PCDHGB1: variants seen among roughly 807,000 people sequenced by gnomAD.
PCDHGB1 encodes protocadherin gamma subfamily B, 1, also known as protocadherin gamma-B1.
Under a neutral mutation model 56.6 loss-of-function variants are expected in PCDHGB1, and 34 were observed. The ratio of observed to expected loss-of-function variants is 0.60; its 90% confidence interval spans 0.46 to 0.80. The LOEUF is 0.80. Ranked by LOEUF, PCDHGB1 falls within the 30% of genes least tolerant of loss-of-function variation. PCDHGB1 has a pLI of 0.00. For missense variants in PCDHGB1, 1,278 were observed against 1,204.6 expected (o/e 1.06, Z -0.90); for synonymous variants, 561 against 505.9 (o/e 1.11, Z -1.46).
chr5:141,384,981 G>T (rs1780732379), intron 1 of PCDHGB1: 1 of 1,614,142 alleles, frequency 6.2e-7, no homozygotes, highest in Non-Finnish European at 8.5e-7. Context: ...TGTACCTGGT[G>T]GTGGCGGTGG....
rs1224625072 is a variant in PCDHGB1, at chr5:141,490,972, C to T, written c.2410-3835C>T. ...AGACTGGGAACACTCAGCCCCCCAG[C>T]GTCTCCCTCGCTCTGCTCCTCCTGG... On this transcript the variant is annotated intron_variant, in intron 1 of 3. Transcript: ENST00000523390. This position sits in a 1 kb window ranked among gnomAD's most constrained non-coding sequence, Gnocchi z 5.4. The T allele has an allele frequency of 1.2e-5, 20 of 1,613,912 alleles. No individual in the cohort carries two copies. Among genetic ancestry groups the T allele is most frequent in the East Asian group, 4.5e-5 (2 of 44,882 alleles).
At chr5:141,395,407 G>T (rs1467176036) in intron 1 of PCDHGB1, 3 of 826,654 alleles carry the variant, frequency 3.6e-6, no homozygotes, top group Non-Finnish European at 5.4e-6. Context: ...ATAGTCATAG[G>T]TTATTGTTTC....
intron 1 of PCDHGB1, chr5:141,430,691 G>A (rs1479214920): frequency 7.1e-7 from 1 of 1,416,592 alleles, no homozygotes; most frequent in Non-Finnish European, 9.4e-7. Context: ...CCATTCTATG[G>A]GCGAAGGAAC....
chr5:141,363,504 C>T (rs750214934), intron 1 of PCDHGB1, among the ~76,000 whole-genome samples: 3 of 152,206 alleles, frequency 2.0e-5, no homozygotes, highest in Non-Finnish European at 4.4e-5. Context: ...AAAACCCCAT[C>T]CTCCACAGTT....
intron 1 of PCDHGB1, chr5:141,382,944 G>A (rs375823415): frequency 6.3e-7 from 1 of 1,596,888 alleles, no homozygotes; most frequent in Non-Finnish European, 8.6e-7. Flanking sequence ...GATTCTTCCT[G>A]CTCTCCATCC....
In PCDHGB1 at chr5:141,351,691, G is replaced by A; in HGVS notation, c.1431G>A (p.Leu477=). 6.2e-7 allele frequency: 1 copy of A among 1,613,980 alleles called. No homozygotes were observed. The highest frequency in any genetic ancestry group is 1.3e-5 in the African/African-American group (1 of 75,072). The change falls in exon 1 of 4, where the codon TTG becomes TTA. Residue 477 remains leucine, a synonymous_variant. Coordinates refer to ENST00000523390, the MANE Select transcript of PCDHGB1 (RefSeq NM_018922.3). Reference sequence around the variant, plus strand: ...AAGTAAGCGCCTCCGACCCGGATTTGGGACCCAACGGCAGAGTCTCCTACT... The same window carrying A: ...AAGTAAGCGCCTCCGACCCGGATTTAGGACCCAACGGCAGAGTCTCCTACT... ...IAQVSASDPD[L]GPNGRVSYSI... is the part of the protein sequence containing the mutation.
At chr5:141,430,950 T>C (rs756423770) in intron 1 of PCDHGB1, 5 of 1,609,980 alleles carry the variant, frequency 3.1e-6, no homozygotes, top group East Asian at 2.2e-5. Flanking sequence ...GAGCGCGGAG[T>C]CCGCATCATC....
Position 141,395,397 on chromosome 5 carries a change from A to G in PCDHGB1, c.2409+42728A>G. ...GGTGTTACTATAAAATTGAACTCTAATAGTCATAGGTTATTGTTTCATTTG... is the reference window on the plus strand; with the variant it reads ...GGTGTTACTATAAAATTGAACTCTAGTAGTCATAGGTTATTGTTTCATTTG... On this transcript the variant is annotated intron_variant, in intron 1 of 3. Coordinates refer to ENST00000523390, the MANE Select transcript of PCDHGB1 (RefSeq NM_018922.3). The G allele has an allele frequency of 7.8e-6, 7 of 895,314 alleles. No individual in the cohort carries two copies. The South Asian group carries it at 9.5e-5, about 12-fold the overall frequency. 55.5% of individuals were successfully genotyped at this position (895,314 alleles called of 1,614,324 possible). A position where few individuals can be genotyped will look rare whatever the true frequency, so the allele number is the denominator to read the frequency against.
chr5:141,496,980 G>T (rs186715298), intron 2 of PCDHGB1, among the ~76,000 whole-genome samples: 1 of 151,974 alleles, frequency 6.6e-6, no homozygotes, highest in Admixed American at 6.6e-5. Flanking sequence ...GAGGTCAGGG[G>T]TTTGAGACCA....
At chr5:141,441,718 C>A in intron 1 of PCDHGB1, 1 of 344,940 alleles carries the variant, frequency 2.9e-6, no homozygotes, top group Non-Finnish European at 5.7e-6. Flanking sequence ...ACGCTGCAGG[C>A]CCGCGACCAG....
chr5:141,460,822 C>A (rs2098998601), intron 1 of PCDHGB1, among the ~76,000 whole-genome samples: 2 of 151,502 alleles, frequency 1.3e-5, no homozygotes, highest in South Asian at 4.1e-4. Context: ...TACATATATA[C>A]ACACTTAAAG....
intron 1 of PCDHGB1, chr5:141,393,946 A>G (rs1417125080): frequency 4.3e-6 from 7 of 1,613,892 alleles, no homozygotes; most frequent in Non-Finnish European, 4.2e-6. Context: ...GACTCTGGAA[A>G]GAATGGTCAA....
chr5:141,414,990 C>A (rs1442265707), intron 1 of PCDHGB1: 5 of 1,613,794 alleles, frequency 3.1e-6, no homozygotes, highest in Admixed American at 1.7e-5. Context: ...CCGGCCAGAA[C>A]GCCTGGCTGT....
At chr5:141,372,333 C>A (rs376897075) in intron 1 of PCDHGB1, 5 of 1,613,732 alleles carry the variant, frequency 3.1e-6, no homozygotes, top group Non-Finnish European at 4.2e-6. Context: ...GGTCACTGTG[C>A]GTGATGGAGG....
chr5:141,477,565 C>T lies in PCDHGB1; in HGVS notation c.2410-17242C>T, dbSNP rs1168703868. 3.1e-6 allele frequency: 5 copies of T among 1,614,146 alleles called. No homozygotes were observed. The highest frequency in any genetic ancestry group is 4.2e-6 in the Non-Finnish European group (5 of 1,180,030). On this transcript the variant is annotated intron_variant, in intron 1 of 3. Transcript: ENST00000523390. The surrounding 1 kb of genome is among the most constrained non-coding windows in gnomAD (Gnocchi z 4.9). ...CAATACTAAACCTAAGTGTCTGGGA[C>T]CCCGACGCCCCGCAGAATGCTCGGC... is the stretch of plus-strand genomic sequence containing the variant.
At chr5:141,384,956 A>G (rs1305792842) in intron 1 of PCDHGB1, 1 of 1,613,934 alleles carries the variant, frequency 6.2e-7, no homozygotes, top group African/African-American at 1.3e-5. Flanking sequence ...GGTCCTTACA[A>G]CTATGACCTC....
At chr5:141,360,231 G>T in intron 1 of PCDHGB1, 2 of 1,613,880 alleles carry the variant, frequency 1.2e-6, no homozygotes, top group Non-Finnish European at 1.7e-6. Flanking sequence ...TCCCAGTCCA[G>T]ATCCGCTATT....
At position 141,485,100 on chromosome 5, in the gene PCDHGB1, C is replaced by G. The variant is rs900224386; in HGVS notation, c.2410-9707C>G. 1.0e-5 allele frequency: 12 copies of G among 1,148,882 alleles called. No homozygotes were observed. Among genetic ancestry groups the G allele is most frequent in the Non-Finnish European group, 1.4e-5 (11 of 778,894 alleles). 71.2% of individuals were successfully genotyped at this position (1,148,882 alleles called of 1,614,324 possible). On this transcript the variant is annotated intron_variant, in intron 1 of 3. Coordinates refer to ENST00000523390, the MANE Select transcript of PCDHGB1 (RefSeq NM_018922.3). This position sits in a 1 kb window ranked among gnomAD's most constrained non-coding sequence, Gnocchi z 5.7. ...GGGAAAGGGAGATAGGTGTCTCCAG[C>G]TGCTGTGGCTGTTTGGGGCGGGTCG...
At position 141,431,468 on chromosome 5, in the gene PCDHGB1, G is replaced by A. The variant is rs756718016; in HGVS notation, c.2410-63339G>A. ...CCGCGTGATGGTTCTGGATGCGAAC[G>A]ACAACGCACCAGCGTTTGCTCAGCC... On this transcript the variant is annotated intron_variant, in intron 1 of 3. Transcript: ENST00000523390. This position sits in a 1 kb window ranked among gnomAD's most constrained non-coding sequence, Gnocchi z 4.8. The A allele has an allele frequency of 3.7e-6, 6 of 1,613,804 alleles. No homozygotes were observed. In the Admixed American group the frequency reaches 8.3e-5, roughly 22 times the overall value.
Sources: gnomAD v4.1 joint callset for allele counts (sites outside exome capture counted in the v4.1 genomes callset) on GRCh38, gnomAD v4.1.1 for gene constraint, Gnocchi (gnomAD v3.1) non-coding constraint, MANE v1.5 for transcripts, NCBI Gene and HGNC (gene_info 2026-07-23, HGNC 2026-07-21) for gene names.